The following GSE1 variants were observed in gnomAD, a reference collection of about 807,000 sequenced individuals.
The protein encoded by GSE1 is genetic suppressor element 1.
A neutral mutation model predicts 112.6 loss-of-function variants in GSE1; 32 were observed. The observed-to-expected ratio is 0.28, with a 90% CI of 0.21 to 0.38. The LOEUF is 0.38. Among genes scored for constraint, GSE1 ranks in the 10% least tolerant of loss-of-function variants. The probability of loss-of-function intolerance (pLI) is 1.00; values close to 1 mark genes in which losing one functional copy is unlikely to be tolerated. For missense variants in GSE1, 2,348 were observed against 1,699.2 expected, an observed-to-expected ratio of 1.38 and a Z score of -6.71; for synonymous variants, 1,115 against 735.6, an observed-to-expected ratio of 1.52 and a Z score of -8.35.
At chr16:85,517,029 T>C (rs1003622586) in intron 2 of GSE1, among the ~76,000 whole-genome samples, 2 of 152,164 alleles carry the variant, frequency 1.3e-5, no homozygotes, top group Non-Finnish European at 2.9e-5. Flanking sequence ...GATCTCCTGA[T>C]CTCATGATCC....
chr16:85,213,221 A>G (rs1339458648), intron 1 of GSE1, among the ~76,000 whole-genome samples: 1 of 150,314 alleles, frequency 6.7e-6, no homozygotes, highest in Non-Finnish European at 1.5e-5. Context: ...GTGAGCCGAG[A>G]TCACACTACT....
chr16:85,475,113 C>T (rs752495244), intron 2 of GSE1, among the ~76,000 whole-genome samples: 4 of 152,194 alleles, frequency 2.6e-5, no homozygotes, highest in East Asian at 1.9e-4. Context: ...CCTGCTCTGA[C>T]GGGCAGTCCC....
chr16:85,450,580 C>T (rs911098823), intron 2 of GSE1, among the ~76,000 whole-genome samples: 1 of 151,942 alleles, frequency 6.6e-6, no homozygotes, highest in Non-Finnish European at 1.5e-5. Flanking sequence ...TCCCAAGTAG[C>T]TGGGATTACA....
chr16:85,504,825 C>G (rs2051484722), intron 2 of GSE1, among the ~76,000 whole-genome samples: 1 of 152,154 alleles, frequency 6.6e-6, no homozygotes, highest in Non-Finnish European at 1.5e-5. Context: ...ATGGGGGGTG[C>G]TCCAGGCCGG....
At chr16:85,414,590 C>T (rs1397831798) in intron 2 of GSE1, among the ~76,000 whole-genome samples, 1 of 152,290 alleles carries the variant, frequency 6.6e-6, no homozygotes, top group East Asian at 1.9e-4. Context: ...AGGGAGACAG[C>T]ATCATAATTT....
intron 14 of GSE1, among the ~76,000 whole-genome samples, chr16:85,669,922 C>G (rs1019924120): frequency 6.6e-6 from 1 of 152,240 alleles, no homozygotes; most frequent in East Asian, 1.9e-4. Flanking sequence ...CCCCTCTTCT[C>G]TCAGCTACCG....
chr16:85,548,095 G>A, intron 2 of GSE1, among the ~76,000 whole-genome samples: 1 of 151,690 alleles, frequency 6.6e-6, no homozygotes, highest in East Asian at 1.9e-4. Flanking sequence ...TGGGCGTGGT[G>A]GCGCATGCCT....
intron 2 of GSE1, among the ~76,000 whole-genome samples, chr16:85,635,509 T>C (rs1396271419): frequency 6.6e-6 from 1 of 152,126 alleles, no homozygotes; most frequent in East Asian, 1.9e-4. Context: ...TCCTGGACTC[T>C]CTGGGGCGGT....
At chr16:85,244,990 CAAA>C (rs34575276) in intron 1 of GSE1, among the ~76,000 whole-genome samples, 9 of 117,694 alleles carry the variant, frequency 7.6e-5, no homozygotes, top group Admixed American at 3.7e-4. Context: ...GACTTCATCT[CAAA>C]AAAAAAAAAA....
chr16:85,362,756 C>A (rs988713567), intron 2 of GSE1, among the ~76,000 whole-genome samples: 4 of 151,938 alleles, frequency 2.6e-5, no homozygotes, highest in African/African-American at 9.7e-5. Flanking sequence ...TCAGTGGTGG[C>A]CCTGGAGTAG....
chr16:85,535,936 G>A (rs748171508), intron 2 of GSE1, among the ~76,000 whole-genome samples: 17 of 152,258 alleles, frequency 1.1e-4, no homozygotes, highest in African/African-American at 1.7e-4. Flanking sequence ...TACCCGGAAA[G>A]CATTTATTGA....
At chr16:85,629,692 G>C (rs1261514506) in intron 1 of GSE1, among the ~76,000 whole-genome samples, 1 of 152,216 alleles carries the variant, frequency 6.6e-6, no homozygotes, top group Admixed American at 6.5e-5. Context: ...TCTGAGGAAT[G>C]TGGGAAAGGG....
intron 1 of GSE1, among the ~76,000 whole-genome samples, chr16:85,198,406 A>C (rs2074968542): frequency 6.6e-6 from 1 of 152,146 alleles, no homozygotes; most frequent in African/African-American, 2.4e-5. Context: ...TTGTCCTTGG[A>C]CAGGGTGGGG....
intron 1 of GSE1, among the ~76,000 whole-genome samples, chr16:85,599,948 C>T (rs1454262412): frequency 6.6e-6 from 1 of 152,176 alleles, no homozygotes; most frequent in Admixed American, 6.5e-5. Flanking sequence ...GACTTTTCCT[C>T]TCTAAAATGG....
At chr16:85,177,823 T>C (rs1301023875) in intron 1 of GSE1, among the ~76,000 whole-genome samples, 2 of 152,124 alleles carry the variant, frequency 1.3e-5, no homozygotes, top group Admixed American at 6.5e-5. Flanking sequence ...TCAGGAAGAA[T>C]CTCACAGACC....
chr16:85,548,705 G>A (rs966531712), intron 2 of GSE1, among the ~76,000 whole-genome samples: 7 of 152,348 alleles, frequency 4.6e-5, no homozygotes, highest in South Asian at 2.1e-4. Flanking sequence ...GGTGATAAAC[G>A]TGGGGGTGCA....
At chr16:85,171,659 T>A in exon 1 of GSE1, 1 of 985,554 alleles carries the variant, frequency 1.0e-6, no homozygotes. Context: ...CTATACACCC[T>A]GCGAGCAAGC....
chr16:85,627,473 G>C (rs1429656154), intron 1 of GSE1, among the ~76,000 whole-genome samples: 1 of 152,016 alleles, frequency 6.6e-6, no homozygotes, highest in East Asian at 1.9e-4. Flanking sequence ...TAGGTGTCTG[G>C]CTGTGGCAGC....
intron 2 of GSE1, among the ~76,000 whole-genome samples, chr16:85,439,334 T>C (rs2049321834): frequency 1.3e-5 from 2 of 152,142 alleles, no homozygotes; most frequent in African/African-American, 4.8e-5. Flanking sequence ...GGGGGCGGCC[T>C]CGGGCGCTGG....
Sources: gnomAD v4.1 joint callset for allele counts (sites outside exome capture counted in the v4.1 genomes callset) on GRCh38, gnomAD v4.1.1 for gene constraint, MANE v1.5 for transcripts, NCBI Gene and HGNC (gene_info 2026-07-23, HGNC 2026-07-21) for gene names.